TECPR2: variants seen among roughly 807,000 people sequenced by gnomAD.
TECPR2 encodes the protein tectonin beta-propeller repeat containing 2.
A neutral mutation model predicts 138.1 loss-of-function variants in TECPR2; 65 were observed. The ratio of observed to expected loss-of-function variants is 0.47; its 90% confidence interval spans 0.39 to 0.58. The LOEUF is 0.58. Ranked by LOEUF, TECPR2 falls within the 20% of genes least tolerant of loss-of-function variation. The pLI is 0.00. For synonymous variants in TECPR2, 746 were observed against 749.8 expected, an observed-to-expected ratio of 0.99 and a Z score of 0.08; for missense variants, 1,553 against 1,824.5, an observed-to-expected ratio of 0.85 and a Z score of 2.71.
At chr14:102,427,789 C>T (rs900390529) in intron 6 of TECPR2, among the ~76,000 whole-genome samples, 6 of 152,202 alleles carry the variant, frequency 3.9e-5, no homozygotes, top group Non-Finnish European at 1.5e-5. Context: ...GGATGAGGTG[C>T]TGCAAGCCCT....
chr14:102,378,716 C>T (rs1887707992), intron 2 of TECPR2, among the ~76,000 whole-genome samples: 1 of 152,066 alleles, frequency 6.6e-6, no homozygotes. Flanking sequence ...CCTCCACCTC[C>T]CAGGTTCAAG....
chr14:102,433,646 G>A (rs997711540), intron 8 of TECPR2, among the ~76,000 whole-genome samples: 4 of 151,856 alleles, frequency 2.6e-5, no homozygotes, highest in African/African-American at 7.3e-5. Context: ...TCAGCCTCCC[G>A]AGTAGCTGGG....
intron 2 of TECPR2, among the ~76,000 whole-genome samples, chr14:102,393,821 A>G (rs985603092): frequency 1.1e-4 from 16 of 152,080 alleles, no homozygotes; most frequent in Non-Finnish European, 1.5e-5. Flanking sequence ...CGGCCTCCCA[A>G]AGTGCTGGGA....
intron 11 of TECPR2, among the ~76,000 whole-genome samples, chr14:102,441,644 C>T (rs59712080): frequency 1.6e-4 from 25 of 152,138 alleles, no homozygotes; most frequent in East Asian, 5.9e-4. Context: ...GAGCTGAGAT[C>T]GCGCCACTGC....
At chr14:102,377,629 C>A (rs964618843) in intron 2 of TECPR2, among the ~76,000 whole-genome samples, 1 of 152,102 alleles carries the variant, frequency 6.6e-6, no homozygotes, top group African/African-American at 2.4e-5. Context: ...TTGCTTGAAC[C>A]TGGGAGATGG....
intron 10 of TECPR2, 122 bp downstream of exon 10, chr14:102,438,327 G>C: frequency 7.8e-7 from 1 of 1,286,962 alleles, no homozygotes; most frequent in Middle Eastern, 2.8e-4. Context: ...TCACGCTGCC[G>C]TGCGTTCACC....
At chr14:102,397,292 C>A (rs1597783034) in intron 2 of TECPR2, among the ~76,000 whole-genome samples, 1 of 151,468 alleles carries the variant, frequency 6.6e-6, no homozygotes, top group East Asian at 1.9e-4. Context: ...GTATTAGATT[C>A]AAATGTTCAG....
chr14:102,405,867 A>G (rs748850732), intron 2 of TECPR2, among the ~76,000 whole-genome samples: 3 of 152,216 alleles, frequency 2.0e-5, no homozygotes, highest in Non-Finnish European at 2.9e-5. Flanking sequence ...AGGAGTTCTG[A>G]TATGTGCTAT....
rs1198757031 is a variant in TECPR2, at chr14:102,463,334, G to A, written c.3641-1807G>A. Among the ~76,000 whole-genome samples the A allele has an allele frequency of 6.0e-5, 9 of 148,776 alleles. No individual in the cohort carries two copies. The Admixed American group carries it at 6.1e-4, about 10-fold the overall frequency. On this transcript the variant is annotated intron_variant, in intron 16 of 19. Coordinates refer to ENST00000359520, the MANE Select transcript of TECPR2 (RefSeq NM_014844.5). ...TGGGAGGCTGAGGCAGGAGAATGGC[G>A]TGAACCCGGGAGGCGGAGCTTGCAG...
In TECPR2 at chr14:102,414,689, G is replaced by A; in HGVS notation, c.534G>A (p.Leu178=). 6.2e-7 allele frequency: 1 copy of A among 1,614,186 alleles called. No homozygotes were observed. The highest frequency in any genetic ancestry group is 1.1e-5 in the South Asian group (1 of 91,088). Residue 178 remains leucine (L), a synonymous_variant, in exon 5 of 20, where the codon CTG becomes CTA. Transcript: ENST00000359520. ...VLEEPSSIVQ[L]DYSQKVLLVS... ...AGGAGCCATCTTCCATTGTGCAGCT[G>A]GATTATAGCCAGAAAGTGCTGCTGG...
intron 2 of TECPR2, among the ~76,000 whole-genome samples, chr14:102,398,095 A>G (rs907635887): frequency 2.8e-5 from 4 of 143,864 alleles, no homozygotes; most frequent in Non-Finnish European, 6.2e-5. Context: ...AAAAAAAGAA[A>G]AAAGAAAGAA....
intron 13 of TECPR2, among the ~76,000 whole-genome samples, chr14:102,448,971 C>T (rs1042822950): frequency 1.3e-5 from 2 of 151,898 alleles, no homozygotes; most frequent in Non-Finnish European, 2.9e-5. Flanking sequence ...GATTTAAAAG[C>T]AAAATTAAAG....
At position 102,498,823 on chromosome 14, in the gene TECPR2, G is replaced by T. The variant is rs1262118126; in HGVS notation, c.*566G>T. The T allele has an allele frequency of 3.4e-6, 2 of 588,352 alleles. No individual in the cohort carries two copies. Among genetic ancestry groups the T allele is most frequent in the Non-Finnish European group, 6.5e-6 (2 of 310,072 alleles). The allele number at this position is 588,352 out of a possible 1,614,324, so 36.4% of individuals were successfully genotyped here. ...CTGAGGCCGGGCTTGAGAGGAGAGC[G>T]CTGGCCATGCCAGGAGAGAACCCAC... On this transcript the variant is annotated 3_prime_UTR_variant, in exon 20 of 20. Coordinates refer to ENST00000359520, the MANE Select transcript of TECPR2 (RefSeq NM_014844.5).
Position 102,407,473 on chromosome 14 carries a change from A to G in TECPR2, c.348+7A>G. On this transcript the variant is annotated splice_region_variant and intron_variant, in intron 3 of 19. Coordinates refer to ENST00000359520, the MANE Select transcript of TECPR2 (RefSeq NM_014844.5). The stretch of plus-strand genomic sequence containing the variant: ...GCCAGGGAGAAATAAACAGGTGAGT[A>G]CTCATGATCTTAACACGTGTTAACT... 1 of 1,603,526 alleles carries G rather than the reference A, an allele frequency of 6.2e-7. No individual in the cohort carries two copies. Among genetic ancestry groups the G allele is most frequent in the Non-Finnish European group, 8.5e-7 (1 of 1,176,474 alleles).
rs748025184 is a variant in TECPR2, at chr14:102,434,244, G to A, written c.1427G>A (p.Ser476Asn). The A allele has an allele frequency of 5.1e-6, 7 of 1,369,280 alleles. No homozygotes were observed. The highest frequency in any genetic ancestry group is 1.9e-6 in the Non-Finnish European group (2 of 1,054,664). 84.8% of individuals were successfully genotyped at this position (1,369,280 alleles called of 1,614,324 possible). Residue 476 changes from serine (S) to asparagine (N), a missense_variant, in exon 9 of 20, where the codon AGC becomes AAC. Physicochemically the swap from Ser to Asn is conservative, Grantham distance 46. Coordinates refer to ENST00000359520, the MANE Select transcript of TECPR2 (RefSeq NM_014844.5). The stretch of plus-strand genomic sequence containing the variant: ...TCTTATTCTGAATTAGAAGGTGGAA[G>A]CAGGAGCACCTGTCACAGCTCCCTG... ...KKKKKKTEGG[S>N]RSTCHSSLES...
intron 16 of TECPR2, among the ~76,000 whole-genome samples, chr14:102,463,416 C>CAAAAAA (rs550694466): frequency 5.2e-5 from 2 of 38,516 alleles, no homozygotes; most frequent in Admixed American, 2.9e-4. Flanking sequence ...GACTCCGTCT[C>CAAAAAA]AAAAAAAAAA....
At chr14:102,471,049 C>T (rs185206830) in intron 17 of TECPR2, among the ~76,000 whole-genome samples, 1 of 152,004 alleles carries the variant, frequency 6.6e-6, no homozygotes, top group Admixed American at 6.6e-5. Flanking sequence ...GATCTCCTGA[C>T]CTCATGATCC....
intron 17 of TECPR2, among the ~76,000 whole-genome samples, chr14:102,477,513 T>G: frequency 6.6e-6 from 1 of 150,826 alleles, no homozygotes; most frequent in East Asian, 2.0e-4. Flanking sequence ...TTTAAATGTG[T>G]GCATTTCATT....
At chr14:102,459,271 C>T (rs1890349438) in intron 16 of TECPR2, among the ~76,000 whole-genome samples, 1 of 152,098 alleles carries the variant, frequency 6.6e-6, no homozygotes, top group African/African-American at 2.4e-5. Flanking sequence ...TTTGCAGCTC[C>T]ATTTCTGAGT....
Sources: allele counts gnomAD v4.1 joint callset (sites outside exome capture counted in the v4.1 genomes callset), GRCh38; gene constraint gnomAD v4.1.1; transcripts MANE v1.5; gene names NCBI Gene and HGNC (gene_info 2026-07-23, HGNC 2026-07-21).